Variants in LTBP1 observed in about 807,000 individuals in gnomAD.
LTBP1 encodes the protein latent transforming growth factor beta binding protein 1, also known as latent-transforming growth factor beta-binding protein 1.
LTBP1 carries 129 observed loss-of-function variants against 207.6 expected under a neutral mutation model. That is an observed-to-expected ratio of 0.62 (90% CI 0.54 to 0.72). The LOEUF is 0.72. Among genes scored for constraint, LTBP1 ranks in the 30% least tolerant of loss-of-function variants. The probability of loss-of-function intolerance (pLI) is 0.00; values close to 1 mark genes in which losing one functional copy is unlikely to be tolerated. For missense variants in LTBP1, 2,281 were observed against 2,217.2 expected (o/e 1.03, Z -0.58); for synonymous variants, 963 against 833.7 (o/e 1.16, Z -2.67).
intron 3 of LTBP1, among the ~76,000 whole-genome samples, chr2:33,083,525 GGA>G (rs1360595990): frequency 2.0e-5 from 3 of 152,012 alleles, no homozygotes; most frequent in Non-Finnish European, 4.4e-5. Context: ...GAGGCAAACA[GGA>G]GAGGGGGGAA....
chr2:33,177,774 C>T (rs2086208258), intron 5 of LTBP1, among the ~76,000 whole-genome samples: 1 of 152,204 alleles, frequency 6.6e-6, no homozygotes, highest in African/African-American at 2.4e-5. Flanking sequence ...TAAAATCAAT[C>T]ATTAAGGCTC....
intron 3 of LTBP1, among the ~76,000 whole-genome samples, chr2:33,094,374 T>A (rs149428767): frequency 6.6e-6 from 1 of 152,356 alleles, no homozygotes; most frequent in African/African-American, 2.4e-5. Flanking sequence ...GAACAAGCAG[T>A]TGTCTCTAGA....
At chr2:33,345,086 A>G (rs6726596) in intron 25 of LTBP1, among the ~76,000 whole-genome samples, 12,860 of 152,196 alleles carry the variant, frequency 0.084, 1,719 homozygotes, top group African/African-American at 0.28. Flanking sequence ...TTTACTAAGC[A>G]CCTATGATAC....
chr2:33,228,075 G>T (rs745567258), intron 9 of LTBP1, among the ~76,000 whole-genome samples: 2 of 152,020 alleles, frequency 1.3e-5, no homozygotes, highest in Non-Finnish European at 2.9e-5. Flanking sequence ...AAAGTGCTGG[G>T]ATTACAGGCA....
At chr2:33,151,071 C>T (rs1186995681) in intron 5 of LTBP1, among the ~76,000 whole-genome samples, 1 of 152,090 alleles carries the variant, frequency 6.6e-6, no homozygotes, top group Non-Finnish European at 1.5e-5. Context: ...TTCATTCATA[C>T]TGTAGCATGT....
At chr2:33,324,122 T>C (rs1257379301) in intron 24 of LTBP1, among the ~76,000 whole-genome samples, 2 of 152,192 alleles carry the variant, frequency 1.3e-5, no homozygotes, top group African/African-American at 4.8e-5. Flanking sequence ...TTTCTTATAC[T>C]GGTACCTTAG....
At chr2:33,340,725 A>G (rs887065899) in intron 24 of LTBP1, among the ~76,000 whole-genome samples, 1 of 152,206 alleles carries the variant, frequency 6.6e-6, no homozygotes, top group Non-Finnish European at 1.5e-5. Context: ...GACATGTACT[A>G]TATTGGATGT....
At chr2:33,030,334 C>T (rs898605364) in intron 3 of LTBP1, among the ~76,000 whole-genome samples, 1 of 152,152 alleles carries the variant, frequency 6.6e-6, no homozygotes, top group Non-Finnish European at 1.5e-5. Flanking sequence ...TTCCTTACCC[C>T]CTGGGCACAA....
chr2:33,361,716 T>C lies in LTBP1; in HGVS notation c.4270+201T>C, dbSNP rs553391136. ...ACTGTATGATGCTCGGAGTTTGACA[T>C]TGGGAGGTGAACTTCTGAGTTTCTG... On this transcript the variant is annotated intron_variant, in intron 28 of 33. Transcript: ENST00000404816. 7.9e-5 allele frequency among the ~76,000 whole-genome samples: 12 copies of C among 152,320 alleles called. No homozygotes were observed. In the South Asian group the frequency reaches 1.7e-3, roughly 21 times the overall value.
intron 24 of LTBP1, among the ~76,000 whole-genome samples, chr2:33,315,485 C>T (rs1377803561): frequency 6.6e-6 from 1 of 152,204 alleles, no homozygotes; most frequent in Non-Finnish European, 1.5e-5. Context: ...AAAACACTCA[C>T]AGATGGCTCC....
Position 33,043,730 on chromosome 2 carries a change from A to G in LTBP1, c.863+22524A>G, listed in dbSNP as rs112081478. On this transcript the variant is annotated intron_variant, in intron 3 of 33. Coordinates refer to ENST00000404816, the MANE Select transcript of LTBP1 (RefSeq NM_206943.4). ...GTATTCCTATTAGGGGAGTAGCCAT[A>G]AGTGAGGGTGAGAATGCAACACAGG... Among the ~76,000 whole-genome samples the G allele has an allele frequency of 2.8e-3, 432 of 152,344 alleles. 4 individuals are homozygous for G. Among genetic ancestry groups the G allele is most frequent in the Middle Eastern group, 0.027 (8 of 294 alleles).
chr2:33,269,400 G>C (rs994360102), intron 15 of LTBP1, among the ~76,000 whole-genome samples: 1 of 152,142 alleles, frequency 6.6e-6, no homozygotes, highest in Middle Eastern at 3.2e-3. Context: ...AGGTTTTCAG[G>C]GAGCAGATAT....
intron 3 of LTBP1, among the ~76,000 whole-genome samples, chr2:33,028,380 A>C (rs574918256): frequency 2.1e-4 from 32 of 152,270 alleles, no homozygotes; most frequent in African/African-American, 7.2e-4. Flanking sequence ...CTTCAAAACC[A>C]TGTGAGAGGC....
At chr2:33,119,566 T>C (rs901713082) in intron 4 of LTBP1, among the ~76,000 whole-genome samples, 15 of 152,094 alleles carry the variant, frequency 9.9e-5, no homozygotes, top group African/African-American at 3.6e-4. Context: ...CTTTCTTTCT[T>C]TTATTTTTGA....
rs2090340473 is a variant in LTBP1, at chr2:33,211,898, A to G, written c.1702-5654A>G. On this transcript the variant is annotated intron_variant, in intron 7 of 33. Coordinates refer to ENST00000404816, the MANE Select transcript of LTBP1 (RefSeq NM_206943.4). ...TTGATAGGCAGATGTAAAAGTGTCT[A>G]TGATCACAGCCCAACTTTGAATATC... Among the ~76,000 whole-genome samples, 5 of 152,196 alleles carry G rather than the reference A, an allele frequency of 3.3e-5. No homozygotes were observed. In the South Asian group the frequency reaches 6.2e-4, roughly 19 times the overall value.
At chr2:32,990,691 T>C (rs1040631092) in intron 2 of LTBP1, among the ~76,000 whole-genome samples, 7 of 152,230 alleles carry the variant, frequency 4.6e-5, no homozygotes, top group African/African-American at 1.7e-4. Flanking sequence ...TCAGATTACC[T>C]GTTTTGCACA....
In LTBP1 at chr2:33,271,712, A is replaced by C. The variant is rs1262081974; in HGVS notation, c.2618-1944A>C. On this transcript the variant is annotated intron_variant, in intron 15 of 33. Transcript: ENST00000404816. The stretch of plus-strand genomic sequence containing the variant: ...TAAAACTTGGATCTACTTCCCTCCA[A>C]CCTTCTTTTCTGTGTGTATTGTAGT... Among the ~76,000 whole-genome samples the C allele has an allele frequency of 1.3e-5, 2 of 152,034 alleles. 1 individual carries two copies. Among genetic ancestry groups the C allele is most frequent in the Admixed American group, 1.3e-4 (2 of 15,262 alleles).
At chr2:33,274,910 A>G in intron 16 of LTBP1, 55 bp from the exon 17 acceptor site, 2 of 1,573,286 alleles carry the variant, frequency 1.3e-6, no homozygotes, top group Non-Finnish European at 1.7e-6. Flanking sequence ...CAGAACAGGG[A>G]AACTAAGTTC....
chr2:33,024,820 T>G (rs2075337736), intron 3 of LTBP1, among the ~76,000 whole-genome samples: 4 of 152,312 alleles, frequency 2.6e-5, no homozygotes, highest in African/African-American at 9.6e-5. Context: ...ACCCCAAAAC[T>G]TAGCAACCTA....
Sources: allele counts gnomAD v4.1 joint callset (sites outside exome capture counted in the v4.1 genomes callset), GRCh38; gene constraint gnomAD v4.1.1; transcripts MANE v1.5; gene names NCBI Gene and HGNC (gene_info 2026-07-23, HGNC 2026-07-21).